The following IRAK1 variants were observed in gnomAD, a reference collection of about 807,000 sequenced individuals.
IRAK1 encodes the protein interleukin-1 receptor-associated kinase 1.
IRAK1 carries 9 observed loss-of-function variants against 49.8 expected under a neutral mutation model. That is an observed-to-expected ratio of 0.18 (90% confidence interval 0.11 to 0.32). The LOEUF is 0.32. IRAK1 is among the 10% of genes least tolerant of loss of function. IRAK1 has a pLI of 1.00. For synonymous variants in IRAK1, 282 were observed against 270.8 expected, an observed-to-expected ratio of 1.04 and a Z score of -0.41; for missense variants, 418 against 600.5, an observed-to-expected ratio of 0.70 and a Z score of 3.18.
At position 154,019,744 on chromosome X, in the gene IRAK1, C is replaced by A. The variant is rs2065768855; in HGVS notation, c.69G>T (p.Pro23=). The stretch of plus-strand genomic sequence containing the variant: ...TGTAGAAGCGGCACATGACCCAGGG[C>A]GGCACCTCGTACAAGAAGTGCTGGG... The part of the protein sequence containing the change: ...PGAQHFLYEV[P]PWVMCRFYKV... Residue 23 remains proline, a synonymous_variant, in exon 1 of 14, where the codon CCG becomes CCT. Transcript: ENST00000369980. 2 of 966,110 alleles carry A rather than the reference C, an allele frequency of 2.1e-6. No individual in the cohort carries two copies. The highest frequency in any genetic ancestry group is 2.6e-6 in the Non-Finnish European group (2 of 770,494). The allele number at this position is 966,110 out of a possible 1,213,427, so 79.6% of individuals were successfully genotyped here.
In IRAK1 at chrX:154,011,816, A is replaced by T; in HGVS notation, c.*43T>A. 8.6e-7 allele frequency: 1 copy of T among 1,161,205 alleles called. No homozygotes were observed. Among genetic ancestry groups the T allele is most frequent in the Non-Finnish European group, 1.2e-6 (1 of 849,074 alleles). On this transcript the variant is annotated 3_prime_UTR_variant, in exon 14 of 14. Transcript: ENST00000369980. ...CACCATGAGAACTTCTGACCATGAG[A>T]ACTTTGACTTCCGGATTTGGGGGAT...
At position 154,013,225 on chromosome X, in the gene IRAK1, T is replaced by C. The variant is rs2065713626; in HGVS notation, c.1748A>G (p.Asn583Ser). 2 of 1,210,129 alleles carry C rather than the reference T, an allele frequency of 1.7e-6. No homozygotes were observed. Among genetic ancestry groups the C allele is most frequent in the Non-Finnish European group, 1.1e-6 (1 of 895,317 alleles). The change falls in exon 12 of 14, where the codon AAC becomes AGC. Residue 583 changes from asparagine (N) to serine (S), a missense_variant. Around this residue, in one of 3 missense-constraint regions of IRAK1, gnomAD observed 377 missense variants for 499.5 expected, o/e 0.75. Coordinates refer to ENST00000369980, the MANE Select transcript of IRAK1 (RefSeq NM_001569.4). ...GCTCTCGTCACTCTCCACGGGCTGG[T>C]TGGGGCCTCTCTGCAGCTGCTCTGC... ...QAAEQLQRGPNQPVESDESLG... is the reference protein window; with the variant it reads ...QAAEQLQRGPSQPVESDESLG...
In IRAK1 at chrX:154,018,754, C is replaced by T; in HGVS notation, c.574G>A (p.Gly192Arg). The T allele has an allele frequency of 1.1e-6, 1 of 932,723 alleles. No homozygotes were observed. The allele number at this position is 932,723 out of a possible 1,213,427, so 76.9% of individuals were successfully genotyped here. A position where few individuals can be genotyped will look rare whatever the true frequency, so the allele number is the denominator to read the frequency against. Residue 192 changes from glycine (G) to arginine (R), a missense_variant, in exon 5 of 14, where the codon GGA becomes AGA. Around this residue, in one of 3 missense-constraint regions of IRAK1, gnomAD observed 377 missense variants for 499.5 expected, o/e 0.75. Coordinates refer to ENST00000369980, the MANE Select transcript of IRAK1 (RefSeq NM_001569.4). The part of the protein sequence containing the change: ...GPESSVSLLQ[G>R]ARPFPFCWPL... ...CAGCAAAACGGAAAGGGGCGGGCTC[C>T]CTGCAGGAGGGACACTGAGCTCTCT...
chrX:154,013,273 G>A lies in IRAK1; in HGVS notation c.1700C>T (p.Pro567Leu), dbSNP rs2065714151. Residue 567 changes from proline (P) to leucine (L), a missense_variant, in exon 12 of 14, where the codon CCA becomes CTA. Around this residue, in one of 3 missense-constraint regions of IRAK1, gnomAD observed 377 missense variants for 499.5 expected, o/e 0.75. Coordinates refer to ENST00000369980, the MANE Select transcript of IRAK1 (RefSeq NM_001569.4). ...TGCTGCCTGGGCACTGGCTCCTGAT[G>A]GCGCTGCCAGGGGCTGCCATGGAGC... is the stretch of plus-strand genomic sequence containing the variant. ...GAAPWQPLAA[P>L]SGASAQAAEQ... 8.3e-7 allele frequency: 1 copy of A among 1,209,486 alleles called. No homozygotes were observed. The highest frequency in any genetic ancestry group is 1.7e-5 in the African/African-American group (1 of 57,700).
chrX:154,015,196 C>A (rs907505021), intron 10 of IRAK1, among the ~76,000 whole-genome samples: 38 of 112,209 alleles, frequency 3.4e-4, no homozygotes, highest in African/African-American at 1.2e-3. Context: ...AGGGACTGGG[C>A]CTTCACCCCA....
At position 154,010,943 on chromosome X, in the gene IRAK1, G is replaced by A. The variant is rs782598280; in HGVS notation, c.*916C>T. The A allele has an allele frequency of 2.3e-5, 8 of 340,731 alleles. No homozygotes were observed. Among genetic ancestry groups the A allele is most frequent in the Non-Finnish European group, 3.5e-5 (6 of 169,888 alleles). The allele number at this position is 340,731 out of a possible 1,213,427, so 28.1% of individuals were successfully genotyped here. ...GCCTGGCTTGCAGGCCACCACATTAGGCCAGCTCGCAGGTCCCCAGTAAAG... is the reference window on the plus strand; with the variant it reads ...GCCTGGCTTGCAGGCCACCACATTAAGCCAGCTCGCAGGTCCCCAGTAAAG... On this transcript the variant is annotated 3_prime_UTR_variant, in exon 14 of 14. Coordinates refer to ENST00000369980, the MANE Select transcript of IRAK1 (RefSeq NM_001569.4).
chrX:154,012,671 G>A lies in IRAK1; in HGVS notation c.1938C>T (p.Ala646=). The change falls in exon 13 of 14, where the codon GCC becomes GCT. Residue 646 remains alanine, a synonymous_variant. Transcript: ENST00000369980. The part of the protein sequence containing the change: ...GSRPTAVEGL[A]LGSSASSSSE... ...ACGACGATGATGCAGAGCTGCCAAG[G>A]GCCAGTCCTGGGGTGGAGATGGCAC... is the stretch of plus-strand genomic sequence containing the variant. The A allele has an allele frequency of 2.5e-6, 3 of 1,210,374 alleles. No homozygotes were observed. Among genetic ancestry groups the A allele is most frequent in the East Asian group, 3.0e-5 (1 of 33,834 alleles).
At position 154,016,855 on chromosome X, in the gene IRAK1, G is replaced by C; in HGVS notation, c.1028+94C>G. 7 of 709,011 alleles carry C rather than the reference G, an allele frequency of 9.9e-6. No homozygotes were observed. The South Asian group carries it at 1.3e-4, about 13-fold the overall frequency. The allele number at this position is 709,011 out of a possible 1,213,427, so 58.4% of individuals were successfully genotyped here. ...CACCTGTGCGATGCCGGGGTGTTGA[G>C]GTCCCAGGCCATGCCTGATCCCCAC... On this transcript the variant is annotated intron_variant, in intron 8 of 13. Coordinates refer to ENST00000369980, the MANE Select transcript of IRAK1 (RefSeq NM_001569.4).
At position 154,013,139 on chromosome X, in the gene IRAK1, G is replaced by C; in HGVS notation, c.1834C>G (p.Pro612Ala). 3 of 1,209,690 alleles carry C rather than the reference G, an allele frequency of 2.5e-6. No homozygotes were observed. The highest frequency in any genetic ancestry group is 1.7e-5 in the African/African-American group (1 of 57,959). ...WHLTPSCPLD[P>A]APLREAGCPQ... ...CAGCCGGCCTCCCTGAGGGGTGCTGGGTCCAGAGGGCAGCTTGGAGTCAAG... is the reference window on the plus strand; with the variant it reads ...CAGCCGGCCTCCCTGAGGGGTGCTGCGTCCAGAGGGCAGCTTGGAGTCAAG... Residue 612 changes from proline (P) to alanine (A), a missense_variant, in exon 12 of 14, where the codon CCA becomes GCA. Physicochemically the swap from Pro to Ala is conservative, Grantham distance 27 (BLOSUM62 -1). Transcript: ENST00000369980.
Position 154,012,948 on chromosome X carries a change from C to G in IRAK1, c.1930+95G>C, listed in dbSNP as rs113109666. 41 of 1,080,339 alleles carry G rather than the reference C, an allele frequency of 3.8e-5. 1 individual carries two copies. Among genetic ancestry groups the G allele is most frequent in the African/African-American group, 3.8e-4 (20 of 53,170 alleles). The allele number at this position is 1,080,339 out of a possible 1,213,427, so 89.0% of individuals were successfully genotyped here. A position where few individuals can be genotyped will look rare whatever the true frequency, so the allele number is the denominator to read the frequency against. ...GTCACAGTGAGCTGAACATTTGGCCCTGGTTCTCTTCTAGAAGGCTGGGGT... is the reference window on the plus strand; with the variant it reads ...GTCACAGTGAGCTGAACATTTGGCCGTGGTTCTCTTCTAGAAGGCTGGGGT... On this transcript the variant is annotated intron_variant, in intron 12 of 13. Coordinates refer to ENST00000369980, the MANE Select transcript of IRAK1 (RefSeq NM_001569.4).
At position 154,012,580 on chromosome X, in the gene IRAK1, C is replaced by T. The variant is rs782757660; in HGVS notation, c.2029G>A (p.Glu677Lys). Residue 677 changes from glutamate to lysine, a missense_variant, in exon 13 of 14, where the codon GAG becomes AAG. Coordinates refer to ENST00000369980, the MANE Select transcript of IRAK1 (RefSeq NM_001569.4). ...QKMVQKLALY[E>K]DGALDSLQLL... ...TGCAGGCTGTCCAGGGCCCCATCCT[C>T]GTACAGGGCCAGCTTCTGGACCATC... The T allele has an allele frequency of 6.7e-5, 81 of 1,210,153 alleles. No individual in the cohort carries two copies. Among genetic ancestry groups the T allele is most frequent in the Admixed American group, 5.4e-4 (25 of 45,968 alleles).
intron 8 of IRAK1, 34 bp downstream of exon 8, chrX:154,016,915 C>T (rs2065742848): frequency 2.8e-6 from 3 of 1,060,651 alleles, no homozygotes; most frequent in Admixed American, 2.2e-5. Flanking sequence ...TGCTGCAGGC[C>T]CTGCCCCGGC....
At position 154,018,124 on chromosome X, in the gene IRAK1, T is replaced by C; in HGVS notation, c.795-4A>G. 1 of 1,190,283 alleles carries C rather than the reference T, an allele frequency of 8.4e-7. No homozygotes were observed. ...CACAATGTTTGGGTGACGAAACCTGTTTGAAAAAGGGGAGCACTTTCCATC... is the reference window on the plus strand; with the variant it reads ...CACAATGTTTGGGTGACGAAACCTGCTTGAAAAAGGGGAGCACTTTCCATC... On this transcript the variant is annotated splice_polypyrimidine_tract_variant and splice_region_variant and intron_variant, in intron 6 of 13. Coordinates refer to ENST00000369980, the MANE Select transcript of IRAK1 (RefSeq NM_001569.4).
intron 10 of IRAK1, 80 bp from the exon 11 acceptor site, chrX:154,014,358 G>T: frequency 6.7e-6 from 5 of 741,087 alleles, no homozygotes; most frequent in Non-Finnish European, 7.6e-6. Flanking sequence ...TCACTCAATC[G>T]TATGGGTTTT....
rs1309340885 is a variant in IRAK1, at chrX:154,010,646, C to T, written c.*1213G>A. 7 of 207,986 alleles carry T rather than the reference C, an allele frequency of 3.4e-5. No homozygotes were observed. The highest frequency in any genetic ancestry group is 1.9e-3 in the Middle Eastern group (1 of 523). 17.1% of individuals were successfully genotyped at this position (207,986 alleles called of 1,213,427 possible). A position where few individuals can be genotyped will look rare whatever the true frequency, so the allele number is the denominator to read the frequency against. ...TACAGCCCTGGGCTACTTTTGGACACGCAAGAGGACACTCGGTTACATGAA... is the reference window on the plus strand; with the variant it reads ...TACAGCCCTGGGCTACTTTTGGACATGCAAGAGGACACTCGGTTACATGAA... On this transcript the variant is annotated 3_prime_UTR_variant, in exon 14 of 14. Coordinates refer to ENST00000369980, the MANE Select transcript of IRAK1 (RefSeq NM_001569.4).
chrX:154,014,106 C>A lies in IRAK1; in HGVS notation c.1475G>T (p.Gly492Val). Residue 492 changes from glycine (G) to valine (V), a missense_variant, in exon 11 of 14, where the codon GGC becomes GTC. Transcript: ENST00000369980. The stretch of plus-strand genomic sequence containing the variant: ...GCAGCAGCAGGCCAGCTGGCCCAGG[C>A]CCAGGCCCAGCTCAGGTGGGCAGGG... ...PGPCPPELGL[G>V]LGQLACCCLH... 1 of 1,197,980 alleles carries A rather than the reference C, an allele frequency of 8.3e-7. No individual in the cohort carries two copies.
chrX:154,016,667 G>A (rs372060722), intron 8 of IRAK1, 23 bp from the exon 9 acceptor site: 32 of 1,142,018 alleles, frequency 2.8e-5, no homozygotes, highest in Non-Finnish European at 3.4e-5. Context: ...AGACAGTGGC[G>A]TCAGCCCGGT....
At chrX:154,019,114 C>G in intron 3 of IRAK1, 36 bp from the exon 4 acceptor site, 3 of 1,203,563 alleles carry the variant, frequency 2.5e-6, no homozygotes, top group Non-Finnish European at 3.4e-6. Flanking sequence ...AGGCAGAGAC[C>G]AGCAGCAGGG....
Position 154,018,278 on chromosome X carries a change from CCT to C in IRAK1, c.794+11_794+12del, listed in dbSNP as rs1183165813. The C allele has an allele frequency of 8.7e-7, 1 of 1,147,649 alleles. No individual in the cohort carries two copies. Among genetic ancestry groups the C allele is most frequent in the African/African-American group, 1.8e-5 (1 of 55,502 alleles). The allele number at this position is 1,147,649 out of a possible 1,213,427, so 94.6% of individuals were successfully genotyped here. On this transcript the variant is annotated intron_variant, in intron 6 of 13. Coordinates refer to ENST00000369980, the MANE Select transcript of IRAK1 (RefSeq NM_001569.4). ...CCCCACGGGACCTGGTGTGGCTCCC[CCT>C]CTGGCCTCACCTGGACAGCTGCTCC...
Sources: gnomAD v4.1 joint callset for allele counts (sites outside exome capture counted in the v4.1 genomes callset) on GRCh38, gnomAD v4.1.1 for gene constraint, gnomAD v4.1.1 regional missense constraint, MANE v1.5 for transcripts, NCBI Gene and HGNC (gene_info 2026-07-23, HGNC 2026-07-21) for gene names.